The following ADAMTS17 variants were observed in gnomAD, a reference collection of about 807,000 sequenced individuals.
ADAMTS17 encodes A disintegrin and metalloproteinase with thrombospondin motifs 17.
ADAMTS17 carries 113 observed loss-of-function variants against 141.5 expected under a neutral mutation model. The observed-to-expected ratio is 0.80, with a 90% confidence interval of 0.69 to 0.93. The LOEUF is 0.93. Among genes scored for constraint, ADAMTS17 ranks in the 40% least tolerant of loss-of-function variants. The pLI is 0.00. For missense variants in ADAMTS17, 1,659 were observed against 1,517.9 expected (o/e 1.09, Z -1.54); for synonymous variants, 768 against 630.6 (o/e 1.22, Z -3.27).
intron 3 of ADAMTS17, 60 bp from the exon 4 acceptor site, chr15:100,281,461 G>C: frequency 1.3e-6 from 2 of 1,566,652 alleles, no homozygotes; most frequent in Non-Finnish European, 1.7e-6. Flanking sequence ...AAACCATGCA[G>C]TGAACAGGCC....
chr15:100,332,339 G>A (rs1357322537), intron 2 of ADAMTS17, among the ~76,000 whole-genome samples: 9 of 152,228 alleles, frequency 5.9e-5, no homozygotes, highest in Admixed American at 5.9e-4. Context: ...TCACAGCTGT[G>A]CGCGATGCGG....
intron 10 of ADAMTS17, among the ~76,000 whole-genome samples, chr15:100,146,426 C>T (rs911978080): frequency 6.6e-6 from 1 of 152,176 alleles, no homozygotes; most frequent in Non-Finnish European, 1.5e-5. Context: ...TATCACCTCC[C>T]CAATCAATAC....
intron 7 of ADAMTS17, among the ~76,000 whole-genome samples, chr15:100,241,920 C>T (rs920485693): frequency 8.5e-5 from 13 of 152,200 alleles, no homozygotes; most frequent in African/African-American, 3.1e-4. Flanking sequence ...GGCCCAGATT[C>T]GGTCTCTGGT....
chr15:100,292,310 CTACGAGAGACACTCAGCCCGTGTGGAAT>C (rs1567497439), intron 3 of ADAMTS17, among the ~76,000 whole-genome samples: 1 of 141,892 alleles, frequency 7.0e-6, no homozygotes. Flanking sequence ...CCGTGTGAAA[CTACGAGAGACACTCAGCCCGTGTGGAAT>C]TACGAGAGAC....
intron 15 of ADAMTS17, among the ~76,000 whole-genome samples, chr15:100,067,777 C>T (rs1188017435): frequency 6.6e-6 from 1 of 152,024 alleles, no homozygotes; most frequent in African/African-American, 2.4e-5. Flanking sequence ...AAAAAAAGAG[C>T]CAAGATGGCC....
At chr15:100,186,410 G>A (rs2040719950) in intron 8 of ADAMTS17, among the ~76,000 whole-genome samples, 1 of 152,180 alleles carries the variant, frequency 6.6e-6, no homozygotes, top group Non-Finnish European at 1.5e-5. Context: ...AAAATGAAAT[G>A]CAATCACGCA....
chr15:100,175,159 T>A (rs142964027), intron 8 of ADAMTS17, among the ~76,000 whole-genome samples: 1 of 152,368 alleles, frequency 6.6e-6, no homozygotes, highest in East Asian at 1.9e-4. Flanking sequence ...GCAAGGGTAC[T>A]CAGCTGTTCC....
In ADAMTS17 at chr15:99,976,156, G is replaced by T; in HGVS notation, c.3016C>A (p.Arg1006Ser). 6.4e-7 allele frequency: 1 copy of T among 1,550,704 alleles called. No individual in the cohort carries two copies. Among genetic ancestry groups the T allele is most frequent in the Non-Finnish European group, 8.7e-7 (1 of 1,146,974 alleles). Residue 1006 changes from arginine (R) to serine (S), a missense_variant, in exon 21 of 22, where the codon CGC (arginine) becomes AGC (serine). Transcript: ENST00000268070. ...AGGGCGGGGCACTCGCTGCCGTGGC[G>T]CCCTGTGACCTTGTGCATGCACTGC... is the stretch of plus-strand genomic sequence containing the variant. Reference protein sequence around the residue: ...VVQCMHKVTGRHGSECPALSK... With the variant: ...VVQCMHKVTGSHGSECPALSK...
intron 12 of ADAMTS17, among the ~76,000 whole-genome samples, chr15:100,131,344 T>G (rs146217930): frequency 2.1e-5 from 3 of 140,478 alleles, no homozygotes; most frequent in African/African-American, 5.3e-5. Context: ...ATTCTGCACA[T>G]GTACCCCAGA....
chr15:100,022,271 A>C (rs2061419911), intron 18 of ADAMTS17, among the ~76,000 whole-genome samples: 1 of 152,114 alleles, frequency 6.6e-6, no homozygotes, highest in Admixed American at 6.5e-5. Context: ...TGCGTGCACC[A>C]CAACCCCATG....
intron 18 of ADAMTS17, among the ~76,000 whole-genome samples, chr15:100,034,903 T>C (rs942716750): frequency 6.6e-6 from 1 of 152,246 alleles, no homozygotes; most frequent in Non-Finnish European, 1.5e-5. Flanking sequence ...AGCTTACTGA[T>C]AAATGTTTCA....
intron 13 of ADAMTS17, among the ~76,000 whole-genome samples, chr15:100,113,520 G>T (rs188540396): frequency 5.4e-4 from 83 of 152,326 alleles, no homozygotes; most frequent in Admixed American, 2.8e-3. Flanking sequence ...AAAATGCTCT[G>T]AAGCTTGAAC....
chr15:100,053,340 A>G (rs368511282), intron 16 of ADAMTS17, among the ~76,000 whole-genome samples: 130 of 152,226 alleles, frequency 8.5e-4, no homozygotes, highest in Middle Eastern at 3.4e-3. Context: ...GCCTGGCCCA[A>G]TGGCTCACAG....
chr15:100,057,694 C>T (rs28427371), intron 15 of ADAMTS17, among the ~76,000 whole-genome samples: 1 of 152,148 alleles, frequency 6.6e-6, no homozygotes, highest in Non-Finnish European at 1.5e-5. Context: ...ACAGGCCCAT[C>T]ACCCAACCCC....
chr15:100,161,823 AC>A (rs1244005327), intron 8 of ADAMTS17, among the ~76,000 whole-genome samples: 1 of 152,014 alleles, frequency 6.6e-6, no homozygotes. Flanking sequence ...ATCATCAATA[AC>A]CCCCTTTACG....
chr15:100,071,728 T>C (rs1216294672), intron 15 of ADAMTS17, among the ~76,000 whole-genome samples: 1 of 150,348 alleles, frequency 6.7e-6, no homozygotes, highest in Non-Finnish European at 1.5e-5. Context: ...CTAAAAACTC[T>C]CAATAAATTA....
intron 12 of ADAMTS17, among the ~76,000 whole-genome samples, chr15:100,121,746 G>A (rs533228419): frequency 6.6e-6 from 1 of 151,990 alleles, no homozygotes; most frequent in African/African-American, 2.4e-5. Context: ...CCTGAATGCA[G>A]GAGGAACAGG....
chr15:99,974,246 G>A lies in ADAMTS17; in HGVS notation c.*156C>T, dbSNP rs1433825061. ...GGCTGTTAACAATATATTAAGTACG[G>A]AAGCACTAATGGCAAACGCCAAGTC... On this transcript the variant is annotated 3_prime_UTR_variant, in exon 22 of 22. Coordinates refer to ENST00000268070, the MANE Select transcript of ADAMTS17 (RefSeq NM_139057.4). 1.1e-6 allele frequency: 1 copy of A among 894,768 alleles called. No homozygotes were observed. Among genetic ancestry groups the A allele is most frequent in the Non-Finnish European group, 1.8e-6 (1 of 566,684 alleles). The allele number at this position is 894,768 out of a possible 1,614,324, so 55.4% of individuals were successfully genotyped here. A position where few individuals can be genotyped will look rare whatever the true frequency, so the allele number is the denominator to read the frequency against.
chr15:100,063,482 T>C, intron 15 of ADAMTS17: 1 of 374,608 alleles, frequency 2.7e-6, no homozygotes. Context: ...TTCCCGCCCC[T>C]AATCCACCAT....
Sources: gnomAD v4.1 joint callset for allele counts (sites outside exome capture counted in the v4.1 genomes callset) on GRCh38, gnomAD v4.1.1 for gene constraint, MANE v1.5 for transcripts, NCBI Gene and HGNC (gene_info 2026-07-23, HGNC 2026-07-21) for gene names.